Variants in KIF16B observed in about 807,000 individuals in gnomAD.
KIF16B encodes the protein kinesin-like protein KIF16B.
Under a neutral mutation model 156.3 loss-of-function variants are expected in KIF16B, and 98 were observed. The observed-to-expected ratio is 0.63, with a 90% CI of 0.53 to 0.74. The LOEUF (loss-of-function observed/expected upper bound fraction) is 0.74, where lower values mean the gene tolerates loss of function less well. KIF16B is among the 30% of genes least tolerant of loss of function. The pLI, the probability that KIF16B is intolerant of heterozygous loss-of-function variation, is 0.00. For missense variants in KIF16B, 1,421 were observed against 1,606.5 expected (o/e 0.88, Z 1.97); for synonymous variants, 564 against 583.7 (o/e 0.97, Z 0.49).
intron 19 of KIF16B, among the ~76,000 whole-genome samples, chr20:16,375,841 C>T (rs2064937165): frequency 6.6e-6 from 1 of 152,152 alleles, no homozygotes; most frequent in Non-Finnish European, 1.5e-5. Context: ...GAGAGGTATC[C>T]TGAAGTCTGA....
In KIF16B at chr20:16,272,250, A is replaced by T. The variant is rs772845480; in HGVS notation, c.*1003T>A. 16 of 152,654 alleles carry T rather than the reference A, an allele frequency of 1.0e-4. No individual in the cohort carries two copies. Among genetic ancestry groups the T allele is most frequent in the Non-Finnish European group, 8.8e-5 (6 of 68,036 alleles). The allele number at this position is 152,654 out of a possible 1,614,324, so 9.5% of individuals were successfully genotyped here. On this transcript the variant is annotated 3_prime_UTR_variant, in exon 26 of 26. Transcript: ENST00000354981. ...ATACATATATAAATCTATAGATAGA[A>T]TTATATACATTTGAGTATATACCAC...
intron 17 of KIF16B, among the ~76,000 whole-genome samples, 156 bp downstream of exon 17, chr20:16,404,657 G>GT (rs1252182530): frequency 6.6e-6 from 1 of 152,178 alleles, no homozygotes; most frequent in Non-Finnish European, 1.5e-5. Flanking sequence ...CACATATATA[G>GT]TAAGGGCTGG....
chr20:16,322,848 G>A (rs1002711061), intron 24 of KIF16B, among the ~76,000 whole-genome samples: 7 of 151,980 alleles, frequency 4.6e-5, no homozygotes, highest in Non-Finnish European at 1.0e-4. Flanking sequence ...CATTTTAGTT[G>A]AGCCAGACCC....
At chr20:16,367,909 C>T in intron 22 of KIF16B, 1 of 1,476,196 alleles carries the variant, frequency 6.8e-7, no homozygotes, top group Non-Finnish European at 8.9e-7. Context: ...ACTCTGTCCA[C>T]CAAAGCCAAT....
At chr20:16,533,374 A>G (rs1463999495) in intron 1 of KIF16B, among the ~76,000 whole-genome samples, 1 of 152,226 alleles carries the variant, frequency 6.6e-6, no homozygotes, top group Non-Finnish European at 1.5e-5. Context: ...TAAAACCTAC[A>G]GAATAGGAAC....
chr20:16,526,140 A>G lies in KIF16B; in HGVS notation c.183T>C (p.Ser61=), dbSNP rs1268962637. 1.9e-6 allele frequency: 3 copies of G among 1,610,500 alleles called. No individual in the cohort carries two copies. In the African/African-American group the frequency reaches 4.0e-5, roughly 22 times the overall value. Residue 61 remains serine, a synonymous_variant, in exon 3 of 26, where the codon TCT becomes TCC. Transcript: ENST00000354981. ...GGCTTTTTGTATCAGCAGAATAAAA[A>G]GAAAAGTCATAGGTGAAGGTCTTGG... The part of the protein sequence containing the change: ...ERTKTFTYDF[S]FYSADTKSPD...
intron 17 of KIF16B, among the ~76,000 whole-genome samples, chr20:16,398,803 C>T (rs1235740206): frequency 1.3e-5 from 2 of 152,070 alleles, no homozygotes; most frequent in African/African-American, 2.4e-5. Flanking sequence ...TATCAACCGA[C>T]AGGAAAGCAG....
chr20:16,472,104 C>T (rs575766234), intron 12 of KIF16B, among the ~76,000 whole-genome samples: 37 of 152,176 alleles, frequency 2.4e-4, no homozygotes, highest in African/African-American at 6.5e-4. Context: ...ACTAATGGTC[C>T]GAGGGTAGCA....
Position 16,420,183 on chromosome 20 carries a change from C to A in KIF16B, c.1612+6921G>T, listed in dbSNP as rs923696913. ...TATATGTCATCACAATTAATGCTCACAGTAGCAGCAAAGCCTTTTCTTTTG... is the reference window on the plus strand; with the variant it reads ...TATATGTCATCACAATTAATGCTCAAAGTAGCAGCAAAGCCTTTTCTTTTG... On this transcript the variant is annotated intron_variant, in intron 15 of 25. Coordinates refer to ENST00000354981, the MANE Select transcript of KIF16B (RefSeq NM_024704.5). 2.6e-5 allele frequency among the ~76,000 whole-genome samples: 4 copies of A among 152,158 alleles called. No homozygotes were observed. The East Asian group carries it at 7.7e-4, about 29-fold the overall frequency.
Position 16,379,429 on chromosome 20 carries a change from T to A in KIF16B, c.2573A>T (p.Gln858Leu). 2 of 1,613,324 alleles carry A rather than the reference T, an allele frequency of 1.2e-6. No homozygotes were observed. Among genetic ancestry groups the A allele is most frequent in the Non-Finnish European group, 1.7e-6 (2 of 1,179,844 alleles). The change falls in exon 19 of 26, where the codon CAG becomes CTG. Residue 858 changes from glutamine to leucine, a missense_variant. Physicochemically the swap from Gln to Leu is moderately radical, Grantham distance 113. Transcript: ENST00000354981. ...ACATTTTAAACACTCTAGGATCTCCTGTTCTTCTTGGACTTCTTTTTTCAG... is the reference window on the plus strand; with the variant it reads ...ACATTTTAAACACTCTAGGATCTCCAGTTCTTCTTGGACTTCTTTTTTCAG... ...DILKKEVQEE[Q>L]EILECLKCEH...
chr20:16,305,013 C>T (rs1437795597), intron 25 of KIF16B, among the ~76,000 whole-genome samples: 1 of 152,032 alleles, frequency 6.6e-6, no homozygotes, highest in East Asian at 1.9e-4. Context: ...ATTACTAATA[C>T]CTGTATTTGG....
At chr20:16,366,369 G>A (rs191368915) in intron 22 of KIF16B, among the ~76,000 whole-genome samples, 14 of 152,290 alleles carry the variant, frequency 9.2e-5, no homozygotes, top group Admixed American at 7.8e-4. Context: ...AAGAAGCCAC[G>A]AGAGAAAGTG....
intron 24 of KIF16B, among the ~76,000 whole-genome samples, chr20:16,316,813 C>A (rs954260952): frequency 6.6e-6 from 1 of 152,086 alleles, no homozygotes; most frequent in African/African-American, 2.4e-5. Flanking sequence ...ATGATTTGAA[C>A]TGCCTAAATA....
At chr20:16,441,588 C>T (rs1442587530) in intron 12 of KIF16B, among the ~76,000 whole-genome samples, 1 of 152,170 alleles carries the variant, frequency 6.6e-6, no homozygotes, top group African/African-American at 2.4e-5. Flanking sequence ...CAGGCTTGTG[C>T]CCACACCAGA....
At chr20:16,282,873 C>G (rs1445724583) in intron 25 of KIF16B, among the ~76,000 whole-genome samples, 8 of 152,196 alleles carry the variant, frequency 5.3e-5, no homozygotes. Context: ...TTCCAGCTGC[C>G]ATACACAATC....
chr20:16,569,953 A>G (rs2071395824), intron 1 of KIF16B, among the ~76,000 whole-genome samples: 1 of 151,050 alleles, frequency 6.6e-6, no homozygotes, highest in South Asian at 2.1e-4. Context: ...CTTACAAACC[A>G]TTACATATAG....
intron 1 of KIF16B, among the ~76,000 whole-genome samples, chr20:16,571,327 C>T (rs1260735129): frequency 2.0e-5 from 3 of 152,210 alleles, no homozygotes; most frequent in Non-Finnish European, 4.4e-5. Context: ...TCACCTGCCT[C>T]TTACCTCAAT....
At chr20:16,441,259 C>A (rs149474000) in intron 12 of KIF16B, among the ~76,000 whole-genome samples, 1 of 152,134 alleles carries the variant, frequency 6.6e-6, no homozygotes, top group African/African-American at 2.4e-5. Flanking sequence ...AAAGCTGGCC[C>A]GTTCTTGTTT....
intron 12 of KIF16B, among the ~76,000 whole-genome samples, chr20:16,446,703 G>A (rs939042463): frequency 1.3e-5 from 2 of 152,116 alleles, no homozygotes; most frequent in Admixed American, 6.6e-5. Flanking sequence ...GGATTCTAAT[G>A]TTAAATTCTA....
Sources: allele counts gnomAD v4.1 joint callset (sites outside exome capture counted in the v4.1 genomes callset), GRCh38; gene constraint gnomAD v4.1.1; transcripts MANE v1.5; gene names NCBI Gene and HGNC (gene_info 2026-07-23, HGNC 2026-07-21).